The following BCKDHB variants were observed in gnomAD, a reference collection of about 807,000 sequenced individuals.
BCKDHB encodes the protein branched chain keto acid dehydrogenase E1 subunit beta, also known as 2-oxoisovalerate dehydrogenase subunit beta, mitochondrial.
BCKDHB carries 41 observed loss-of-function variants against 48.5 expected under a neutral mutation model. That is an observed-to-expected ratio of 0.85 (90% CI 0.66 to 1.10). The LOEUF is 1.10. Among genes scored for constraint, BCKDHB ranks in the 50% least tolerant of loss-of-function variants. The pLI, the probability that BCKDHB is intolerant of heterozygous loss-of-function variation, is 0.00. For missense variants in BCKDHB, 496 were observed against 494.2 expected, an observed-to-expected ratio of 1.00 and a Z score of -0.03; for synonymous variants, 201 against 174.8, an observed-to-expected ratio of 1.15 and a Z score of -1.18.
At chr6:80,454,241 G>A in the BCKDHB span, 1 of 152,168 alleles carries the variant, frequency 6.6e-6, no homozygotes, top group Non-Finnish European at 1.5e-5. Context: ...ATTAGCACAT[G>A]GTCCCTAGAA....
the BCKDHB span, among the ~76,000 whole-genome samples, chr6:80,399,266 GAGAA>G: frequency 0.1 from 15,644 of 151,922 alleles, 2,317 homozygotes; most frequent in African/African-American, 0.33. Context: ...AATCAGGCAA[GAGAA>G]AGAAAGAAAG....
At chr6:80,423,012 G>T in the BCKDHB span, among the ~76,000 whole-genome samples, 2 of 152,282 alleles carry the variant, frequency 1.3e-5, no homozygotes, top group Non-Finnish European at 2.9e-5. Context: ...GAATAATATG[G>T]TTTGGCTCTG....
chr6:80,123,199 C>G (rs768057878), intron 1 of BCKDHB, among the ~76,000 whole-genome samples: 3 of 152,020 alleles, frequency 2.0e-5, no homozygotes, highest in African/African-American at 7.3e-5. Flanking sequence ...TCAAGGTGCA[C>G]TGATTTCATA....
At chr6:80,214,216 C>A (rs1486270134) in intron 8 of BCKDHB, among the ~76,000 whole-genome samples, 1 of 152,048 alleles carries the variant, frequency 6.6e-6, no homozygotes, top group Non-Finnish European at 1.5e-5. Flanking sequence ...GGATGAAGGA[C>A]CAAGTTTGTT....
intron 4 of BCKDHB, 82 bp downstream of exon 4, chr6:80,167,893 G>A: frequency 7.4e-7 from 1 of 1,357,644 alleles, no homozygotes; most frequent in Non-Finnish European, 1.0e-6. Context: ...ACCCTTACCT[G>A]CATTCTAAAC....
chr6:80,397,551 A>C, the BCKDHB span, among the ~76,000 whole-genome samples: 2 of 152,168 alleles, frequency 1.3e-5, no homozygotes, highest in African/African-American at 4.8e-5. Flanking sequence ...ATTTGATGTT[A>C]CTTTCTGCTT....
chr6:80,278,976 A>C (rs1695607953), intron 9 of BCKDHB, among the ~76,000 whole-genome samples: 1 of 152,236 alleles, frequency 6.6e-6, no homozygotes, highest in African/African-American at 2.4e-5. Context: ...TTTGTGTAAT[A>C]AAATGATTAT....
chr6:80,324,330 G>A (rs1357086435), intron 9 of BCKDHB, among the ~76,000 whole-genome samples: 1 of 152,116 alleles, frequency 6.6e-6, no homozygotes, highest in Non-Finnish European at 1.5e-5. Context: ...CCCTTCAGGT[G>A]ATCTTAATGG....
intron 9 of BCKDHB, among the ~76,000 whole-genome samples, chr6:80,297,158 T>C (rs1489747023): frequency 6.6e-6 from 1 of 152,186 alleles, no homozygotes; most frequent in Non-Finnish European, 1.5e-5. Flanking sequence ...TCTTATGTAA[T>C]ACACAATGAT....
intron 9 of BCKDHB, among the ~76,000 whole-genome samples, chr6:80,292,025 G>A (rs1024626521): frequency 1.3e-5 from 2 of 152,146 alleles, no homozygotes; most frequent in African/African-American, 4.8e-5. Context: ...AAGGACCTAG[G>A]AGTTGGGTAA....
At chr6:80,406,319 A>G in the BCKDHB span, among the ~76,000 whole-genome samples, 1 of 152,234 alleles carries the variant, frequency 6.6e-6, no homozygotes, top group Non-Finnish European at 1.5e-5. Context: ...AGCATGATTT[A>G]TAATCCTTTG....
At chr6:80,292,258 TCA>T (rs1161863428) in intron 9 of BCKDHB, among the ~76,000 whole-genome samples, 1 of 152,212 alleles carries the variant, frequency 6.6e-6, no homozygotes, top group African/African-American at 2.4e-5. Flanking sequence ...TAGTCTATTC[TCA>T]CACTGCTGAT....
chr6:80,409,272 A>G, the BCKDHB span, among the ~76,000 whole-genome samples: 2 of 151,750 alleles, frequency 1.3e-5, no homozygotes, highest in Non-Finnish European at 2.9e-5. Context: ...GTTCTGTTAC[A>G]TTTGCTGAGG....
intron 8 of BCKDHB, among the ~76,000 whole-genome samples, chr6:80,208,469 A>G (rs1388791027): frequency 1.3e-5 from 2 of 151,840 alleles, no homozygotes; most frequent in East Asian, 3.8e-4. Flanking sequence ...AGTAATTAAG[A>G]GCAGAAATTA....
At chr6:80,320,861 T>C (rs750685573) in intron 9 of BCKDHB, among the ~76,000 whole-genome samples, 3 of 152,204 alleles carry the variant, frequency 2.0e-5, no homozygotes, top group Non-Finnish European at 4.4e-5. Context: ...TTCTGAAATG[T>C]AAATGAAAGT....
chr6:80,305,427 T>A (rs1213583888), intron 9 of BCKDHB, among the ~76,000 whole-genome samples: 1 of 149,006 alleles, frequency 6.7e-6, no homozygotes, highest in African/African-American at 2.5e-5. Flanking sequence ...AATTATGACT[T>A]AATTAAAAAA....
the BCKDHB span, among the ~76,000 whole-genome samples, chr6:80,352,145 G>A: frequency 3.1e-3 from 356 of 115,592 alleles, 1 homozygote; most frequent in African/African-American, 0.011. Context: ...TCTTTTTGTT[G>A]TTGTTGTTTT....
intron 6 of BCKDHB, among the ~76,000 whole-genome samples, chr6:80,173,554 A>T (rs1031285712): frequency 3.3e-5 from 5 of 152,144 alleles, no homozygotes; most frequent in African/African-American, 7.2e-5. Context: ...GACTTGCAGC[A>T]TTAGAACCTC....
chr6:80,311,664 G>T (rs114254817), intron 9 of BCKDHB, among the ~76,000 whole-genome samples: 2,334 of 152,218 alleles, frequency 0.015, 82 homozygotes, highest in African/African-American at 0.053. Context: ...AGTTCTCCCA[G>T]CACCATATAA....
Sources: gnomAD v4.1 joint callset for allele counts (sites outside exome capture counted in the v4.1 genomes callset) on GRCh38, gnomAD v4.1.1 for gene constraint, MANE v1.5 for transcripts, NCBI Gene and HGNC (gene_info 2026-07-23, HGNC 2026-07-21) for gene names.